Variants in PDE4D observed in about 807,000 individuals in gnomAD.
The protein encoded by PDE4D is 3',5'-cyclic-AMP phosphodiesterase 4D.
In PDE4D, 24 loss-of-function variants were observed where a neutral mutation model predicts 87.4. That is an observed-to-expected ratio of 0.27 (90% CI 0.20 to 0.39). The LOEUF is 0.39. Ranked by LOEUF, PDE4D falls within the 10% of genes least tolerant of loss-of-function variation. The pLI is 1.00. For missense variants in PDE4D, 714 were observed against 1,041.0 expected, an observed-to-expected ratio of 0.69 and a Z score of 4.32; for synonymous variants, 384 against 383.2, an observed-to-expected ratio of 1.00 and a Z score of -0.02.
intron 1 of PDE4D, among the ~76,000 whole-genome samples, chr5:59,445,205 T>C (rs1195576293): frequency 6.6e-6 from 1 of 152,162 alleles, no homozygotes; most frequent in Admixed American, 6.5e-5. Flanking sequence ...TAATATATTA[T>C]GAAAAAACCT....
chr5:59,640,845 CAA>C (rs1357630922), intron 1 of PDE4D, among the ~76,000 whole-genome samples: 5 of 152,208 alleles, frequency 3.3e-5, no homozygotes, highest in Admixed American at 3.3e-4. Context: ...GCCTGTTTAT[CAA>C]GAGTGTTCTC....
chr5:59,023,189 A>AAAGAG (rs536478976), intron 6 of PDE4D, among the ~76,000 whole-genome samples: 1 of 150,240 alleles, frequency 6.7e-6, no homozygotes, highest in African/African-American at 2.5e-5. Context: ...AAAAAAAAAA[A>AAAGAG]AGAGAGAGAG....
rs1439676425 is a variant in PDE4D, at chr5:60,210,589, A to G, written c.-89-24902T>C. Among the ~76,000 whole-genome samples the G allele has an allele frequency of 2.0e-5, 3 of 152,096 alleles. No homozygotes were observed. In the East Asian group the frequency reaches 5.8e-4, roughly 29 times the overall value. ...AGGCTTTCCCAAAAAGGAAACAAAA[A>G]TATCTCTGAAGTAAAAAAGGATACA... is the stretch of plus-strand genomic sequence containing the variant. On this transcript the variant is annotated intron_variant, in intron 1 of 16. Coordinates refer to the PDE4D transcript ENST00000502484.
rs376183793 is a variant in PDE4D at position 59,272,585 on chromosome 5, G to A, written c.456-56617C>T. Among the ~76,000 whole-genome samples, 17 of 152,056 alleles carry A rather than the reference G, an allele frequency of 1.1e-4. No individual in the cohort carries two copies. The East Asian group carries it at 1.4e-3, about 12-fold the overall frequency. On this transcript the variant is annotated intron_variant, in intron 1 of 14. Transcript: ENST00000340635. ...TACTATAATCACTTTCTGCTAGAAC[G>A]TGGCATATAAATAACTGTTCCTTAA...
intron 1 of PDE4D, among the ~76,000 whole-genome samples, chr5:60,383,546 T>C (rs1162411345): frequency 6.6e-6 from 1 of 152,180 alleles, no homozygotes; most frequent in African/African-American, 2.4e-5. Flanking sequence ...AAGGCTGGCT[T>C]GAAAGATGTT....
chr5:60,295,689 A>G (rs1039848903), intron 1 of PDE4D, among the ~76,000 whole-genome samples: 3 of 152,160 alleles, frequency 2.0e-5, no homozygotes, highest in African/African-American at 7.2e-5. Flanking sequence ...AGAACCACTG[A>G]GCTAAACTGA....
At chr5:59,655,803 T>C (rs1384082837) in intron 1 of PDE4D, among the ~76,000 whole-genome samples, 1 of 152,160 alleles carries the variant, frequency 6.6e-6, no homozygotes, top group Non-Finnish European at 1.5e-5. Context: ...ACTTCTCTAA[T>C]AGAAATGATA....
chr5:60,274,809 C>T (rs1751202533), intron 1 of PDE4D, among the ~76,000 whole-genome samples: 1 of 152,232 alleles, frequency 6.6e-6, no homozygotes, highest in African/African-American at 2.4e-5. Flanking sequence ...TTCACCTTGG[C>T]TGCATTCCCA....
chr5:59,471,321 G>T (rs1802411142), intron 1 of PDE4D, among the ~76,000 whole-genome samples: 1 of 152,184 alleles, frequency 6.6e-6, no homozygotes, highest in African/African-American at 2.4e-5. Context: ...CATTTTAAAA[G>T]ATTTTTCCAA....
At chr5:59,111,829 G>A (rs925713644) in intron 5 of PDE4D, among the ~76,000 whole-genome samples, 2 of 152,156 alleles carry the variant, frequency 1.3e-5, no homozygotes, top group African/African-American at 2.4e-5. Context: ...TGAGTACATC[G>A]ATAATTCATT....
intron 1 of PDE4D, among the ~76,000 whole-genome samples, chr5:59,751,185 A>G (rs78490234): frequency 0.033 from 5,001 of 152,250 alleles, 120 homozygotes; most frequent in Middle Eastern, 0.048. Context: ...CAGAACTGCT[A>G]GATGTGTTCT....
chr5:60,327,485 C>T (rs893724428), intron 1 of PDE4D, among the ~76,000 whole-genome samples: 1 of 152,164 alleles, frequency 6.6e-6, no homozygotes, highest in African/African-American at 2.4e-5. Flanking sequence ...TGCTGTTATT[C>T]AAGTGCCCTT....
In PDE4D at chr5:58,989,716, G is replaced by A. The variant is rs530584451; in HGVS notation, c.1452+39C>T. 4.3e-6 allele frequency: 6 copies of A among 1,396,388 alleles called. No homozygotes were observed. The South Asian group carries it at 7.8e-5, about 18-fold the overall frequency. The allele number at this position is 1,396,388 out of a possible 1,614,324, so 86.5% of individuals were successfully genotyped here. ...AAAAGTTTAATAGACCTTTATGAGT[G>A]GCAAGTTAGTGTTCTTGAAATTTCA... On this transcript the variant is annotated intron_variant, in intron 10 of 14. Transcript: ENST00000340635.
chr5:60,473,007 A>T (rs1313542966), intron 1 of PDE4D, among the ~76,000 whole-genome samples: 1 of 151,828 alleles, frequency 6.6e-6, no homozygotes, highest in African/African-American at 2.4e-5. Flanking sequence ...TAACCCTATC[A>T]TAAGCTGAGG....
Position 58,976,312 on chromosome 5 carries a change from GACAC to G in PDE4D, c.1830+34_1830+37del, listed in dbSNP as rs151199228. The G allele has an allele frequency of 1.0e-4, 160 of 1,563,510 alleles. 1 individual carries two copies. In the African/African-American group the frequency reaches 1.7e-3, roughly 16 times the overall value. ...ACGCAGACATGTGCACATGTGCACAGACACACACACACAGAGCAAACTCAAACAA... is the reference window on the plus strand; with the variant it reads ...ACGCAGACATGTGCACATGTGCACAGACACACACAGAGCAAACTCAAACAA... On this transcript the variant is annotated intron_variant, in intron 13 of 14. Coordinates refer to ENST00000340635, the MANE Select transcript of PDE4D (RefSeq NM_001104631.2).
chr5:59,023,030 C>G (rs1314375157), intron 6 of PDE4D, among the ~76,000 whole-genome samples: 2 of 151,736 alleles, frequency 1.3e-5, no homozygotes, highest in African/African-American at 4.8e-5. Context: ...AAAAAATTAG[C>G]CAGGCGTGGT....
At chr5:59,628,889 G>A (rs1292829639) in intron 1 of PDE4D, among the ~76,000 whole-genome samples, 1 of 152,162 alleles carries the variant, frequency 6.6e-6, no homozygotes, top group Non-Finnish European at 1.5e-5. Flanking sequence ...TCACAGTTCA[G>A]CATGGCTGGG....
intron 1 of PDE4D, among the ~76,000 whole-genome samples, chr5:59,220,269 C>T (rs1411903416): frequency 6.7e-6 from 1 of 149,854 alleles, no homozygotes; most frequent in Non-Finnish European, 1.5e-5. Flanking sequence ...GTAATCCCGA[C>T]ACTTTAGAGG....
chr5:59,609,118 T>C (rs1828629165), intron 1 of PDE4D, among the ~76,000 whole-genome samples: 1 of 152,132 alleles, frequency 6.6e-6, no homozygotes, highest in African/African-American at 2.4e-5. Context: ...GCAATTTACA[T>C]GATTGAAGAT....
Sources: allele counts gnomAD v4.1 joint callset (sites outside exome capture counted in the v4.1 genomes callset), GRCh38; gene constraint gnomAD v4.1.1; transcripts MANE v1.5; gene names NCBI Gene and HGNC (gene_info 2026-07-23, HGNC 2026-07-21).